The following MRC2 variants were observed in gnomAD, a reference collection of about 807,000 sequenced individuals.
MRC2 encodes C-type mannose receptor 2.
Under a neutral mutation model 206.2 loss-of-function variants are expected in MRC2, and 84 were observed. The ratio of observed to expected loss-of-function variants is 0.41; its 90% CI spans 0.34 to 0.49. The LOEUF is 0.49. MRC2 is among the 20% of genes least tolerant of loss of function. MRC2 has a pLI of 0.31. For synonymous variants in MRC2, 798 were observed against 800.0 expected, an observed-to-expected ratio of 1.00 and a Z score of 0.04; for missense variants, 1,676 against 2,001.5, an observed-to-expected ratio of 0.84 and a Z score of 3.10.
intron 12 of MRC2, 120 bp from the exon 13 acceptor site, chr17:62,678,384 T>G (rs1461397336): frequency 6.2e-5 from 85 of 1,369,142 alleles, no homozygotes; most frequent in Non-Finnish European, 8.2e-5. Flanking sequence ...TTAGCTAGCC[T>G]TAGCCCCCTG....
chr17:62,630,870 G>C (rs2084210552), intron 1 of MRC2, among the ~76,000 whole-genome samples: 1 of 152,254 alleles, frequency 6.6e-6, no homozygotes, highest in Middle Eastern at 3.4e-3. Context: ...GTGGGGTTCG[G>C]AAACTTCTTA....
At chr17:62,682,027 A>C in intron 19 of MRC2, 90 bp downstream of exon 19, 3 of 1,243,048 alleles carry the variant, frequency 2.4e-6, no homozygotes, top group South Asian at 2.9e-5. Flanking sequence ...GTCTGTTCTC[A>C]TTCTCTTTGT....
At chr17:62,640,234 A>C (rs569871853) in intron 1 of MRC2, among the ~76,000 whole-genome samples, 5 of 152,090 alleles carry the variant, frequency 3.3e-5, no homozygotes, top group Admixed American at 1.3e-4. Flanking sequence ...TAATATGCAC[A>C]TACTGGAAAC....
chr17:62,649,053 C>T (rs1450735878), intron 1 of MRC2, among the ~76,000 whole-genome samples: 1 of 152,196 alleles, frequency 6.6e-6, no homozygotes, highest in East Asian at 1.9e-4. Context: ...CTTCCCAAAT[C>T]GAGGCTTGCG....
At position 62,690,881 on chromosome 17, in the gene MRC2, C is replaced by T. The variant is rs1032197929; in HGVS notation, c.4013-68C>T. The T allele has an allele frequency of 8.1e-5, 121 of 1,499,384 alleles. No homozygotes were observed. In the Middle Eastern group the frequency reaches 2.1e-3, roughly 26 times the overall value. 92.9% of individuals were successfully genotyped at this position (1,499,384 alleles called of 1,614,324 possible). On this transcript the variant is annotated intron_variant, in intron 27 of 29. Coordinates refer to ENST00000303375, the MANE Select transcript of MRC2 (RefSeq NM_006039.5). ...GGGACAGGGAGTCGGTTCTAGAACA[C>T]ACCTGCTCTCCTCCACCTACTCCTG...
intron 1 of MRC2, among the ~76,000 whole-genome samples, chr17:62,632,906 C>G (rs888568665): frequency 1.6e-4 from 24 of 152,324 alleles, no homozygotes; most frequent in African/African-American, 5.1e-4. Flanking sequence ...GCAGTGGCCC[C>G]TTCCTCCTGT....
intron 1 of MRC2, among the ~76,000 whole-genome samples, chr17:62,629,673 TG>T (rs1299538006): frequency 6.6e-6 from 1 of 152,182 alleles, no homozygotes; most frequent in Non-Finnish European, 1.5e-5. Flanking sequence ...CAAATTCCAC[TG>T]GGCCCTACCC....
intron 6 of MRC2, among the ~76,000 whole-genome samples, chr17:62,670,728 G>T (rs1157263358): frequency 6.6e-6 from 1 of 152,150 alleles, no homozygotes; most frequent in Non-Finnish European, 1.5e-5. Context: ...TAGGAGCGGG[G>T]AAGGAGTCCC....
rs1432593024 is a variant in MRC2 at position 62,690,624 on chromosome 17, G to A, written c.3893-18G>A. 1 of 1,588,236 alleles carries A rather than the reference G, an allele frequency of 6.3e-7. No homozygotes were observed. Among genetic ancestry groups the A allele is most frequent in the Admixed American group, 1.8e-5 (1 of 56,572 alleles). ...CCGGAGACCCATCCGCCCTGACGTG[G>A]GCCTTCTTTGCATCCAGCGGGTGGG... On this transcript the variant is annotated intron_variant, in intron 26 of 29. Coordinates refer to ENST00000303375, the MANE Select transcript of MRC2 (RefSeq NM_006039.5).
At position 62,690,680 on chromosome 17, in the gene MRC2, A is replaced by C. The variant is rs1254443320; in HGVS notation, c.3931A>C (p.Asn1311His). The change falls in exon 27 of 30, where the codon AAT (asparagine) becomes CAT (histidine). Residue 1311 changes from asparagine (N) to histidine (H), a missense_variant. Asn to His is a moderately conservative substitution (Grantham distance 68). This residue lies in a region of MRC2 where 1,354 missense variants were observed against 1,636.6 expected (regional missense o/e 0.83). Transcript: ENST00000303375. ...AVLSILDEME[N>H]VFVWEHLQSY... ...CCTGTCTATCCTGGATGAGATGGAGAATGTGTTTGTCTGGGAGCACCTGCA... is the reference window on the plus strand; with the variant it reads ...CCTGTCTATCCTGGATGAGATGGAGCATGTGTTTGTCTGGGAGCACCTGCA... The C allele has an allele frequency of 1.9e-6, 3 of 1,612,658 alleles. No homozygotes were observed. The highest frequency in any genetic ancestry group is 2.5e-6 in the Non-Finnish European group (3 of 1,179,496).
At chr17:62,632,282 C>T (rs942521940) in intron 1 of MRC2, among the ~76,000 whole-genome samples, 3 of 152,104 alleles carry the variant, frequency 2.0e-5, no homozygotes, top group African/African-American at 4.8e-5. Context: ...TGTGGCCCCT[C>T]GTGGAATTCC....
chr17:62,691,588 G>A (rs1318916816), intron 28 of MRC2, among the ~76,000 whole-genome samples: 1 of 152,034 alleles, frequency 6.6e-6, no homozygotes, highest in African/African-American at 2.4e-5. Flanking sequence ...TGGCCAACAT[G>A]GTGAAACCCC....
At position 62,679,913 on chromosome 17, in the gene MRC2, C is replaced by T. The variant is rs777486778; in HGVS notation, c.2298+11C>T. 6 of 1,589,632 alleles carry T rather than the reference C, an allele frequency of 3.8e-6. No homozygotes were observed. Among genetic ancestry groups the T allele is most frequent in the Non-Finnish European group, 5.1e-6 (6 of 1,168,096 alleles). On this transcript the variant is annotated intron_variant, in intron 14 of 29. Coordinates refer to ENST00000303375, the MANE Select transcript of MRC2 (RefSeq NM_006039.5). ...AGCGACGGCGTAGGGGTGAGGGGGC[C>T]TGGGGTACTTGGGACTGCGAGGCCG...
chr17:62,690,771 C>G lies in MRC2; in HGVS notation c.4012+10C>G, dbSNP rs764106033. On this transcript the variant is annotated intron_variant, in intron 27 of 29. Transcript: ENST00000303375. Reference sequence around the variant, plus strand: ...AACTTCAACCCCAAAGGTGGGTGCCCTGTGTGTGGGGTGGAGAGGTCAAGC... The same window carrying G: ...AACTTCAACCCCAAAGGTGGGTGCCGTGTGTGTGGGGTGGAGAGGTCAAGC... 1 of 1,595,620 alleles carries G rather than the reference C, an allele frequency of 6.3e-7. No individual in the cohort carries two copies. The highest frequency in any genetic ancestry group is 1.1e-5 in the South Asian group (1 of 87,190).
At position 62,627,759 on chromosome 17, in the gene MRC2, T is replaced by G; in HGVS notation, c.-44T>G. ...CGGGGCTGCCACAGCGCGTTGCGCC[T>G]GTGCGCCCTCGGTCCCCGCGTCCAC... On this transcript the variant is annotated 5_prime_UTR_variant, in exon 1 of 30. Transcript: ENST00000303375. 7.4e-7 allele frequency: 1 copy of G among 1,344,048 alleles called. No homozygotes were observed. Among genetic ancestry groups the G allele is most frequent in the Non-Finnish European group, 9.5e-7 (1 of 1,048,978 alleles). The allele number at this position is 1,344,048 out of a possible 1,614,324, so 83.3% of individuals were successfully genotyped here. A position where few individuals can be genotyped will look rare whatever the true frequency, so the allele number is the denominator to read the frequency against.
intron 1 of MRC2, among the ~76,000 whole-genome samples, chr17:62,638,929 T>G (rs1370019854): frequency 6.7e-6 from 1 of 150,128 alleles, no homozygotes; most frequent in Non-Finnish European, 1.5e-5. Flanking sequence ...AAAAGCAAAA[T>G]AAAACAAAAA....
intron 1 of MRC2, among the ~76,000 whole-genome samples, chr17:62,662,179 G>A (rs2088688478): frequency 6.6e-6 from 1 of 152,072 alleles, no homozygotes; most frequent in African/African-American, 2.4e-5. Context: ...GAACCTGGGA[G>A]GCAGAAGTTG....
chr17:62,691,026 C>G lies in MRC2; in HGVS notation c.4090C>G (p.Leu1364Val). The G allele has an allele frequency of 6.2e-7, 1 of 1,609,220 alleles. No individual in the cohort carries two copies. The highest frequency in any genetic ancestry group is 2.2e-5 in the East Asian group (1 of 44,772). The change falls in exon 28 of 30, where the codon CTG (leucine) becomes GTG (valine). Residue 1364 changes from leucine (L) to valine (V), a missense_variant. By Grantham distance (32) the Leu-to-Val change is conservative. Around this residue, in one of 3 missense-constraint regions of MRC2, gnomAD observed 1,354 missense variants for 1,636.6 expected, o/e 0.83. Transcript: ENST00000303375. ...WGPPGLGPSM[L>V]SHNSCYWIQS... ...GCCCCCGGGCTTGGGCCCCAGCATG[C>G]TGAGCCACAACAGCTGCTACTGGAT...
rs1414129747 is a variant in MRC2, at chr17:62,664,057, TC to T, written c.119-490del. ...TCACTGCAAGCTCCGCCTCCCGGGT[TC>T]ACGCCATTCTCCTGCCTCAGCCTCC... On this transcript the variant is annotated intron_variant, in intron 1 of 29. Coordinates refer to ENST00000303375, the MANE Select transcript of MRC2 (RefSeq NM_006039.5). The surrounding 1 kb of genome is among the most constrained non-coding windows in gnomAD (Gnocchi z 4.7). 6.7e-6 allele frequency among the ~76,000 whole-genome samples: 1 copy of T among 150,114 alleles called. No homozygotes were observed. Among genetic ancestry groups the T allele is most frequent in the Non-Finnish European group, 1.5e-5 (1 of 67,460 alleles).
Sources: gnomAD v4.1 joint callset for allele counts (sites outside exome capture counted in the v4.1 genomes callset) on GRCh38, gnomAD v4.1.1 for gene constraint, gnomAD v4.1.1 regional missense constraint, Gnocchi (gnomAD v3.1) non-coding constraint, MANE v1.5 for transcripts, NCBI Gene and HGNC (gene_info 2026-07-23, HGNC 2026-07-21) for gene names.